Variants in SNTG1 observed in about 807,000 individuals in gnomAD.
The protein encoded by SNTG1 is syntrophin gamma 1.
SNTG1 carries 39 observed loss-of-function variants against 74.7 expected under a neutral mutation model. The ratio of observed to expected loss-of-function variants is 0.52; its 90% CI spans 0.40 to 0.68. The LOEUF is 0.68. Ranked by LOEUF, SNTG1 falls within the 30% of genes least tolerant of loss-of-function variation. The pLI is 0.00. For missense variants in SNTG1, 685 were observed against 609.5 expected (o/e 1.12, Z -1.30); for synonymous variants, 254 against 217.1 (o/e 1.17, Z -1.49).
At chr8:50,024,106 G>C (rs1186806860) in intron 1 of SNTG1, among the ~76,000 whole-genome samples, 2 of 152,142 alleles carry the variant, frequency 1.3e-5, no homozygotes, top group African/African-American at 4.8e-5. Flanking sequence ...AGTTGGTTGA[G>C]GGATCATACA....
chr8:50,168,917 C>T (rs925926617), intron 1 of SNTG1, among the ~76,000 whole-genome samples: 1 of 152,184 alleles, frequency 6.6e-6, no homozygotes, highest in African/African-American at 2.4e-5. Flanking sequence ...CTTGGTACAA[C>T]CCACAGAGTT....
chr8:50,098,285 C>A (rs1039297497), intron 1 of SNTG1, among the ~76,000 whole-genome samples: 1 of 152,058 alleles, frequency 6.6e-6, no homozygotes. Flanking sequence ...TTCTTCCAGT[C>A]AGTATTTCAT....
chr8:50,194,451 G>A (rs1184629337), intron 2 of SNTG1, among the ~76,000 whole-genome samples: 1 of 152,066 alleles, frequency 6.6e-6, no homozygotes, highest in African/African-American at 2.4e-5. Flanking sequence ...TAGTTTATGT[G>A]TGTATAGGTG....
chr8:50,518,229 G>A (rs1049669740), intron 9 of SNTG1, among the ~76,000 whole-genome samples: 64 of 152,158 alleles, frequency 4.2e-4, no homozygotes, highest in African/African-American at 1.5e-3. Context: ...CAAAATTAAG[G>A]CAGAAATAAA....
Position 50,247,419 on chromosome 8 carries a change from C to G in SNTG1, c.-28+74784C>G, listed in dbSNP as rs555233307. Among the ~76,000 whole-genome samples, 10 of 152,204 alleles carry G rather than the reference C, an allele frequency of 6.6e-5. No homozygotes were observed. In the South Asian group the frequency reaches 2.1e-3, roughly 32 times the overall value. On this transcript the variant is annotated intron_variant, in intron 2 of 18. Transcript: ENST00000642720. ...ATTTTCAAGCTGAAGAAAGCATCATCCTTCTTAGTGCCTCAAACTAGATTT... is the reference window on the plus strand; with the variant it reads ...ATTTTCAAGCTGAAGAAAGCATCATGCTTCTTAGTGCCTCAAACTAGATTT...
intron 1 of SNTG1, among the ~76,000 whole-genome samples, chr8:50,162,822 G>T (rs955853451): frequency 6.6e-6 from 1 of 152,112 alleles, no homozygotes; most frequent in Non-Finnish European, 1.5e-5. Flanking sequence ...GCTGTTCCTG[G>T]AGGTAAACAT....
chr8:50,086,667 G>A (rs1288911979), intron 1 of SNTG1, among the ~76,000 whole-genome samples: 2 of 152,010 alleles, frequency 1.3e-5, no homozygotes, highest in African/African-American at 2.4e-5. Context: ...ACAAGAGAAT[G>A]GCAATTTTGG....
intron 2 of SNTG1, among the ~76,000 whole-genome samples, chr8:50,390,155 G>T (rs2092635973): frequency 6.6e-6 from 1 of 151,802 alleles, no homozygotes; most frequent in Admixed American, 6.6e-5. Flanking sequence ...TGAAGTCCTT[G>T]TCCATGCCTA....
chr8:50,610,108 A>G (rs2094839896), intron 13 of SNTG1, among the ~76,000 whole-genome samples: 1 of 152,122 alleles, frequency 6.6e-6, no homozygotes, highest in Non-Finnish European at 1.5e-5. Context: ...TTGTCTGAAA[A>G]TTTTTAATTG....
intron 4 of SNTG1, among the ~76,000 whole-genome samples, chr8:50,404,720 A>T (rs973314821): frequency 2.0e-5 from 3 of 151,918 alleles, no homozygotes; most frequent in African/African-American, 4.8e-5. Context: ...TCGTGCATTC[A>T]TTTTGTTGTG....
chr8:50,655,811 A>T (rs2131262999), intron 13 of SNTG1, among the ~76,000 whole-genome samples: 1 of 152,314 alleles, frequency 6.6e-6, no homozygotes, highest in South Asian at 2.1e-4. Flanking sequence ...TCCCCTTACT[A>T]GCTGGAATAC....
At chr8:50,184,057 GACTC>G (rs66688782) in intron 2 of SNTG1, among the ~76,000 whole-genome samples, 23,736 of 151,980 alleles carry the variant, frequency 0.16, 2,254 homozygotes, top group Middle Eastern at 0.28. Context: ...CCCGCTTAAG[GACTC>G]TGCTTCTGAA....
intron 2 of SNTG1, among the ~76,000 whole-genome samples, chr8:50,243,420 TA>T (rs1449460806): frequency 1.3e-5 from 2 of 152,202 alleles, no homozygotes; most frequent in Non-Finnish European, 2.9e-5. Context: ...ATTTGATTTT[TA>T]AAGATCCTCT....
At chr8:50,727,547 G>T (rs1025167102) in intron 17 of SNTG1, among the ~76,000 whole-genome samples, 1 of 152,116 alleles carries the variant, frequency 6.6e-6, no homozygotes, top group Non-Finnish European at 1.5e-5. Flanking sequence ...GTGCATTTTG[G>T]ATTCTCACTG....
intron 2 of SNTG1, among the ~76,000 whole-genome samples, chr8:50,257,792 C>T (rs1188364426): frequency 6.6e-6 from 1 of 152,176 alleles, no homozygotes; most frequent in East Asian, 1.9e-4. Context: ...GACAAAATAA[C>T]CCTACTGCCG....
chr8:50,733,300 T>G (rs1171247340), intron 17 of SNTG1, among the ~76,000 whole-genome samples: 8 of 152,040 alleles, frequency 5.3e-5, no homozygotes, highest in Non-Finnish European at 1.0e-4. Context: ...CCATGATGTA[T>G]AGGTACCACA....
At chr8:50,779,875 C>A (rs1424253921) in intron 18 of SNTG1, among the ~76,000 whole-genome samples, 1 of 151,192 alleles carries the variant, frequency 6.6e-6, no homozygotes, top group Non-Finnish European at 1.5e-5. Context: ...GAGATATGTC[C>A]CATCAATACC....
rs1444302558 is a variant in SNTG1, at chr8:50,438,565, G to C, written c.185G>C (p.Arg62Thr). ...YSGERTVTIRRQTVGGFGLSI... is the reference protein window; with the variant it reads ...YSGERTVTIRTQTVGGFGLSI... ...CAGGAAAGAACGGTGACCATCAGAA[G>C]ACAAACAGTAGGAGGATTTGGATTA... The change falls in exon 5 of 19, where the codon AGA becomes ACA. Residue 62 changes from arginine (R) to threonine (T), a missense_variant. Coordinates refer to ENST00000642720, the MANE Select transcript of SNTG1 (RefSeq NM_018967.5). 1.9e-6 allele frequency: 3 copies of C among 1,613,178 alleles called. No homozygotes were observed. In the African/African-American group the frequency reaches 4.0e-5, roughly 22 times the overall value.
chr8:50,378,138 G>T (rs1253788588), intron 2 of SNTG1, among the ~76,000 whole-genome samples: 2 of 152,222 alleles, frequency 1.3e-5, no homozygotes, highest in African/African-American at 4.8e-5. Flanking sequence ...GTGAGCACGG[G>T]GTTCGGCCAC....
Sources: gnomAD v4.1 joint callset for allele counts (sites outside exome capture counted in the v4.1 genomes callset) on GRCh38, gnomAD v4.1.1 for gene constraint, MANE v1.5 for transcripts, NCBI Gene and HGNC (gene_info 2026-07-23, HGNC 2026-07-21) for gene names.